Variants in LZIC observed in about 807,000 individuals in gnomAD.
LZIC encodes protein LZIC.
A neutral mutation model predicts 25.4 loss-of-function variants in LZIC; 28 were observed. The ratio of observed to expected loss-of-function variants is 1.10; its 90% CI spans 0.82 to 1.51. The LOEUF (loss-of-function observed/expected upper bound fraction) is 1.51, where lower values mean the gene tolerates loss of function less well. Ranked by LOEUF, LZIC falls within the 40% of genes most tolerant of loss-of-function variation. The pLI is 0.00. For missense variants in LZIC, 170 were observed against 211.1 expected, an observed-to-expected ratio of 0.81 and a Z score of 1.21; for synonymous variants, 65 against 70.7, an observed-to-expected ratio of 0.92 and a Z score of 0.40.
intron 5 of LZIC, among the ~76,000 whole-genome samples, chr1:9,933,721 C>T (rs1010766882): frequency 1.3e-5 from 2 of 152,060 alleles, no homozygotes; most frequent in African/African-American, 4.8e-5. Flanking sequence ...TCCTGGCCAA[C>T]ATGGTGAAAC....
chr1:9,933,727 G>A (rs987154489), intron 5 of LZIC, among the ~76,000 whole-genome samples: 1 of 151,904 alleles, frequency 6.6e-6, no homozygotes, highest in Admixed American at 6.6e-5. Flanking sequence ...CCAACATGGT[G>A]AAACCCTGTC....
downstream of LZIC, chr1:9,922,330 CA>C: frequency 1.0e-6 from 1 of 985,270 alleles, no homozygotes; most frequent in Non-Finnish European, 1.2e-6. Flanking sequence ...GTGAGTCTAG[CA>C]GGTAGTTCAT....
chr1:9,930,104 T>C lies in LZIC; in HGVS notation c.*295A>G. On this transcript the variant is annotated 3_prime_UTR_variant, in exon 8 of 8. Transcript: ENST00000377223. The stretch of plus-strand genomic sequence containing the variant: ...ATCAACACTTAAAAACAAACAGCCT[T>C]AATAAAAATCAAGTCCACTTTGTTT... 8.8e-7 allele frequency: 1 copy of C among 1,135,552 alleles called. No homozygotes were observed. The highest frequency in any genetic ancestry group is 1.1e-6 in the Non-Finnish European group (1 of 922,202). The allele number at this position is 1,135,552 out of a possible 1,614,324, so 70.3% of individuals were successfully genotyped here.
chr1:9,936,950 T>C (rs1243837419), intron 2 of LZIC, among the ~76,000 whole-genome samples: 1 of 151,630 alleles, frequency 6.6e-6, no homozygotes, highest in Non-Finnish European at 1.5e-5. Flanking sequence ...GCTAACATGG[T>C]GAAACCCCAT....
intron 7 of LZIC, 124 bp from the exon 8 acceptor site, chr1:9,930,581 A>G: frequency 7.2e-7 from 1 of 1,385,826 alleles, no homozygotes; most frequent in African/African-American, 1.5e-5. Flanking sequence ...CTCCATTATC[A>G]GTGTATTAAC....
rs553479884 is a variant in LZIC, at chr1:9,929,338, C to T, written c.*1061G>A. 85 of 984,606 alleles carry T rather than the reference C, an allele frequency of 8.6e-5. No homozygotes were observed. Among genetic ancestry groups the T allele is most frequent in the Non-Finnish European group, 1.0e-4 (83 of 829,422 alleles). The allele number at this position is 984,606 out of a possible 1,614,324, so 61.0% of individuals were successfully genotyped here. On this transcript the variant is annotated 3_prime_UTR_variant, in exon 8 of 8. Coordinates refer to ENST00000377223, the MANE Select transcript of LZIC (RefSeq NM_032368.5). Reference sequence around the variant, plus strand: ...TGCAAAGAAAAAGAATATTGAGAAGCACATGAAAGAATATAAAATGGCTAG... The same window carrying T: ...TGCAAAGAAAAAGAATATTGAGAAGTACATGAAAGAATATAAAATGGCTAG...
At chr1:9,934,699 A>G (rs965812030) in intron 5 of LZIC, 63 bp downstream of exon 5, 50 of 1,404,892 alleles carry the variant, frequency 3.6e-5, no homozygotes, top group Admixed American at 1.8e-5. Context: ...ATAGGATATC[A>G]TAATGAATTG....
intron 6 of LZIC, 36 bp from the exon 7 acceptor site, chr1:9,932,008 A>G: frequency 1.4e-6 from 2 of 1,476,532 alleles, no homozygotes; most frequent in Non-Finnish European, 1.9e-6. Context: ...TTGAGTGGGT[A>G]AATGTTACAG....
intron 5 of LZIC, 23 bp from the exon 6 acceptor site, chr1:9,932,921 A>G (rs1640290690): frequency 6.8e-7 from 1 of 1,462,294 alleles, no homozygotes; most frequent in South Asian, 1.2e-5. Context: ...AATGCAAGGC[A>G]TATGTTACTT....
Position 9,931,801 on chromosome 1 carries a change from TTA to T in LZIC, c.514+88_514+89del, listed in dbSNP as rs1640223248. ...CACTCTTAAACTCAAGGAAAGGTTA[TTA>T]TGTTATTTCAACCACACTCTCCATC... On this transcript the variant is annotated intron_variant, in intron 7 of 7. Transcript: ENST00000377223. 10 of 783,520 alleles carry T rather than the reference TTA, an allele frequency of 1.3e-5. No homozygotes were observed. In the East Asian group the frequency reaches 2.7e-4, roughly 21 times the overall value. The allele number at this position is 783,520 out of a possible 1,614,324, so 48.5% of individuals were successfully genotyped here.
chr1:9,935,780 C>A (rs763266685), intron 3 of LZIC, among the ~76,000 whole-genome samples, 153 bp from the exon 4 acceptor site: 1 of 152,086 alleles, frequency 6.6e-6, no homozygotes, highest in Non-Finnish European at 1.5e-5. Context: ...CATTTTCCTG[C>A]AATATAGTTA....
intron 4 of LZIC, 96 bp downstream of exon 4, chr1:9,935,396 C>A: frequency 1.5e-6 from 2 of 1,361,724 alleles, no homozygotes; most frequent in Non-Finnish European, 2.0e-6. Context: ...CCACTGCACT[C>A]CAGCCTGGGC....
chr1:9,941,184 C>T lies in LZIC; in HGVS notation c.-9+1440G>A, dbSNP rs572814631. 9.1e-4 allele frequency among the ~76,000 whole-genome samples: 138 copies of T among 151,880 alleles called. 1 individual carries two copies. Among genetic ancestry groups the T allele is most frequent in the African/African-American group, 3.1e-3 (129 of 41,460 alleles). On this transcript the variant is annotated intron_variant, in intron 2 of 7. Transcript: ENST00000377223. ...GATTTTACCTTTTCTTTCTTTCGTTCGTTCGTTCTTTCTTTCCTCTTTCTT... is the reference window on the plus strand; with the variant it reads ...GATTTTACCTTTTCTTTCTTTCGTTTGTTCGTTCTTTCTTTCCTCTTTCTT...
chr1:9,928,323 G>GACA lies in LZIC; in HGVS notation c.*2073_*2075dup, dbSNP rs952404554. On this transcript the variant is annotated 3_prime_UTR_variant, in exon 8 of 8. Transcript: ENST00000377223. ...GTGAAACTCCATCTCAAAAAACAAC[G>GACA]ACAACAACAACAACACAACAACAAA... 3.3e-5 allele frequency among the ~76,000 whole-genome samples: 5 copies of GACA among 151,544 alleles called. No homozygotes were observed. Among genetic ancestry groups the GACA allele is most frequent in the African/African-American group, 1.2e-4 (5 of 41,232 alleles).
downstream of LZIC, among the ~76,000 whole-genome samples, chr1:9,923,981 A>AC (rs1215811190): frequency 1.3e-5 from 2 of 152,018 alleles, no homozygotes; most frequent in Non-Finnish European, 2.9e-5. Context: ...CAAACTGCTG[A>AC]CTTCAGGTGA....
At chr1:9,933,576 A>G (rs562638537) in intron 5 of LZIC, among the ~76,000 whole-genome samples, 1 of 152,230 alleles carries the variant, frequency 6.6e-6, no homozygotes, top group East Asian at 1.9e-4. Flanking sequence ...ATGTTTTTAC[A>G]GACAGAGAAA....
chr1:9,937,058 G>A (rs1484805728), intron 2 of LZIC, among the ~76,000 whole-genome samples: 2 of 151,736 alleles, frequency 1.3e-5, no homozygotes, highest in African/African-American at 2.4e-5. Flanking sequence ...GAGGTCAGGA[G>A]TTCAAGACCA....
chr1:9,935,012 T>C (rs966227801), intron 4 of LZIC, 152 bp from the exon 5 acceptor site: 5 of 669,982 alleles, frequency 7.5e-6, no homozygotes, highest in African/African-American at 5.4e-5. Context: ...GAAGGATATG[T>C]TGTGTATGCA....
rs1219525705 is a variant in LZIC, at chr1:9,942,771, G to A, written c.-156C>T. 2 of 1,044,260 alleles carry A rather than the reference G, an allele frequency of 1.9e-6. No individual in the cohort carries two copies. Among genetic ancestry groups the A allele is most frequent in the Non-Finnish European group, 2.6e-6 (2 of 765,244 alleles). The allele number at this position is 1,044,260 out of a possible 1,614,324, so 64.7% of individuals were successfully genotyped here. A position where few individuals can be genotyped will look rare whatever the true frequency, so the allele number is the denominator to read the frequency against. On this transcript the variant is annotated 5_prime_UTR_variant, in exon 2 of 8. Transcript: ENST00000377223. ...AAAGGCTCAAAGTTCAAACCACCTC[G>A]GGGTGGAGATGCTGGAAAAAAGGAA...
Sources: allele counts gnomAD v4.1 joint callset (sites outside exome capture counted in the v4.1 genomes callset), GRCh38; gene constraint gnomAD v4.1.1; transcripts MANE v1.5; gene names NCBI Gene and HGNC (gene_info 2026-07-23, HGNC 2026-07-21).